Variants in STK4 observed in about 807,000 individuals in gnomAD.
STK4 encodes serine/threonine kinase 4.
STK4 carries 30 observed loss-of-function variants against 64.9 expected under a neutral mutation model. The observed-to-expected ratio is 0.46, with a 90% CI of 0.35 to 0.63. STK4 has a LOEUF of 0.63. STK4 is among the 20% of genes least tolerant of loss of function. The pLI, the probability that STK4 is intolerant of heterozygous loss-of-function variation, is 0.01. For missense variants in STK4, 466 were observed against 598.5 expected, an observed-to-expected ratio of 0.78 and a Z score of 2.31; for synonymous variants, 177 against 199.0, an observed-to-expected ratio of 0.89 and a Z score of 0.93.
At chr20:45,051,604 G>A (rs934310271) in intron 10 of STK4, among the ~76,000 whole-genome samples, 1 of 152,168 alleles carries the variant, frequency 6.6e-6, no homozygotes, top group African/African-American at 2.4e-5. Flanking sequence ...CAACTGCAGC[G>A]ATGCATTGCT....
At chr20:44,979,721 T>C (rs2067403526) in intron 3 of STK4, among the ~76,000 whole-genome samples, 1 of 152,168 alleles carries the variant, frequency 6.6e-6, no homozygotes, top group Admixed American at 6.5e-5. Flanking sequence ...CCAGAAGCCT[T>C]TCAGTCTCAC....
At chr20:44,989,593 G>T (rs1301855835) in intron 5 of STK4, among the ~76,000 whole-genome samples, 1 of 151,976 alleles carries the variant, frequency 6.6e-6, no homozygotes, top group Non-Finnish European at 1.5e-5. Flanking sequence ...TTTAAATTTT[G>T]GTCGTGTCCA....
intron 5 of STK4, among the ~76,000 whole-genome samples, chr20:44,991,759 T>A (rs1435435438): frequency 5.3e-5 from 8 of 152,006 alleles, no homozygotes; most frequent in Admixed American, 5.2e-4. Flanking sequence ...ACCACCAGGC[T>A]TAGGTGATAC....
intron 10 of STK4, among the ~76,000 whole-genome samples, chr20:45,027,983 A>G (rs1223037953): frequency 1.3e-5 from 2 of 152,224 alleles, no homozygotes; most frequent in African/African-American, 4.8e-5. Flanking sequence ...TTGTGTGTAT[A>G]CCACATCTTC....
intron 9 of STK4, among the ~76,000 whole-genome samples, chr20:45,012,031 C>T (rs923421486): frequency 3.4e-4 from 51 of 151,210 alleles, no homozygotes; most frequent in Non-Finnish European, 5.5e-4. Flanking sequence ...CACTCTTCTC[C>T]GATACAAATT....
intron 1 of STK4, among the ~76,000 whole-genome samples, chr20:44,970,102 A>G (rs1225474420): frequency 2.0e-5 from 3 of 152,150 alleles, no homozygotes; most frequent in African/African-American, 7.2e-5. Context: ...AGATTGTTTC[A>G]AAGATGTATT....
At chr20:44,972,277 A>G (rs1320018313) in intron 2 of STK4, 119 bp downstream of exon 2, 1 of 834,824 alleles carries the variant, frequency 1.2e-6, no homozygotes, top group East Asian at 2.5e-5. Context: ...GTAAATTTAC[A>G]GCTTGTGATG....
At chr20:45,061,933 G>A (rs1019562847) in intron 10 of STK4, among the ~76,000 whole-genome samples, 1 of 141,020 alleles carries the variant, frequency 7.1e-6, no homozygotes, top group African/African-American at 2.6e-5. Context: ...ACGCTGGAGT[G>A]CAGTGGGGCG....
intron 9 of STK4, among the ~76,000 whole-genome samples, chr20:45,012,612 A>G (rs1193937409): frequency 6.6e-6 from 1 of 152,100 alleles, no homozygotes; most frequent in Admixed American, 6.5e-5. Context: ...TAGTTTAAAA[A>G]ACTTTTGTTT....
chr20:45,010,225 C>T (rs1346882230), intron 9 of STK4, among the ~76,000 whole-genome samples: 2 of 152,194 alleles, frequency 1.3e-5, no homozygotes, highest in South Asian at 2.1e-4. Context: ...TGCCACCACA[C>T]CTGGCTAATT....
In STK4 at chr20:45,022,255, T is replaced by TA. The variant is rs560760425; in HGVS notation, c.1148-2710dup. 2.4e-4 allele frequency among the ~76,000 whole-genome samples: 37 copies of TA among 152,228 alleles called. 1 individual carries two copies. The East Asian group carries it at 2.9e-3, about 12-fold the overall frequency. ...GCTTATATCTGAATATGTGGTTAGA[T>TA]AAAAAAAATTCTCTTTTTATTTCAC... On this transcript the variant is annotated intron_variant, in intron 9 of 10. Transcript: ENST00000372806.
At chr20:44,971,570 A>T (rs1314325219) in intron 1 of STK4, among the ~76,000 whole-genome samples, 1 of 152,078 alleles carries the variant, frequency 6.6e-6, no homozygotes, top group Non-Finnish European at 1.5e-5. Context: ...TTCTGAAGAG[A>T]TAATTACATC....
intron 10 of STK4, among the ~76,000 whole-genome samples, chr20:45,049,843 C>T (rs920759515): frequency 6.6e-6 from 1 of 152,176 alleles, no homozygotes; most frequent in Non-Finnish European, 1.5e-5. Context: ...GAAAATCCCA[C>T]AGGAAAGCCA....
intron 1 of STK4, among the ~76,000 whole-genome samples, chr20:44,967,945 A>G (rs915239361): frequency 3.6e-4 from 55 of 152,202 alleles, no homozygotes; most frequent in African/African-American, 1.3e-3. Flanking sequence ...ATATTTGACC[A>G]TTTTTGAACC....
Position 45,075,010 on chromosome 20 carries a change from T to C in STK4, c.1306-8T>C. 6.2e-7 allele frequency: 1 copy of C among 1,614,140 alleles called. No individual in the cohort carries two copies. Among genetic ancestry groups the C allele is most frequent in the Non-Finnish European group, 8.5e-7 (1 of 1,180,008 alleles). On this transcript the variant is annotated splice_polypyrimidine_tract_variant and splice_region_variant and intron_variant, in intron 10 of 10. Transcript: ENST00000372806. ...TTGTCGTGACTATACCTTCCACTTCTCTTCTAGCTTAAGAGTTGGACAGTG... is the reference window on the plus strand; with the variant it reads ...TTGTCGTGACTATACCTTCCACTTCCCTTCTAGCTTAAGAGTTGGACAGTG...
intron 7 of STK4, among the ~76,000 whole-genome samples, 159 bp from the exon 8 acceptor site, chr20:45,000,233 A>C (rs1476259286): frequency 6.6e-6 from 1 of 152,232 alleles, no homozygotes; most frequent in African/African-American, 2.4e-5. Flanking sequence ...CAGAGTTATA[A>C]AGCGAGTGTG....
In STK4 at chr20:45,017,758, G is replaced by T. The variant is rs140904745; in HGVS notation, c.1148-7215G>T. 4.8e-3 allele frequency among the ~76,000 whole-genome samples: 725 copies of T among 152,270 alleles called. 7 individuals are homozygous for T. Among genetic ancestry groups the T allele is most frequent in the African/African-American group, 0.017 (693 of 41,552 alleles). ...CATTTTTTATCTTTTTAGATGTGCT[G>T]CCACTATTGCTCTAGTTAGTAATCC... is the stretch of plus-strand genomic sequence containing the variant. On this transcript the variant is annotated intron_variant, in intron 9 of 10. Transcript: ENST00000372806.
rs775346644 is a variant in STK4 at position 44,993,978 on chromosome 20, C to CAA, written c.526-1097_526-1096dup. Among the ~76,000 whole-genome samples, 608 of 119,172 alleles carry CAA rather than the reference C, an allele frequency of 5.1e-3. 2 individuals are homozygous for CAA. Among genetic ancestry groups the CAA allele is most frequent in the African/African-American group, 0.018 (588 of 32,250 alleles). 78.2% of individuals were successfully genotyped at this position (119,172 alleles called of 152,430 possible). ...TGGGCAGAAGATCAAAACTCTTTCTCAAAAAAAAAAAAAAAATCCTTCTTT... is the reference window on the plus strand; with the variant it reads ...TGGGCAGAAGATCAAAACTCTTTCTCAAAAAAAAAAAAAAAAAATCCTTCTTT... On this transcript the variant is annotated intron_variant, in intron 5 of 10. Transcript: ENST00000372806.
chr20:45,021,523 G>A (rs1291354621), intron 9 of STK4, among the ~76,000 whole-genome samples: 2 of 152,166 alleles, frequency 1.3e-5, no homozygotes, highest in Non-Finnish European at 2.9e-5. Flanking sequence ...AATTGTTTTT[G>A]AATGTCTGCT....
Sources: allele counts gnomAD v4.1 joint callset (sites outside exome capture counted in the v4.1 genomes callset), GRCh38; gene constraint gnomAD v4.1.1; transcripts MANE v1.5; gene names NCBI Gene and HGNC (gene_info 2026-07-23, HGNC 2026-07-21).